ABCA1: variants seen among roughly 807,000 people sequenced by gnomAD.
The protein encoded by ABCA1 is phospholipid-transporting ATPase ABCA1.
ABCA1 carries 133 observed loss-of-function variants against 262.5 expected under a neutral mutation model. The ratio of observed to expected loss-of-function variants is 0.51; its 90% CI spans 0.44 to 0.59. The LOEUF is 0.59. Ranked by LOEUF, ABCA1 falls within the 20% of genes least tolerant of loss-of-function variation. The pLI is 0.00. For missense variants in ABCA1, 2,452 were observed against 2,777.5 expected (o/e 0.88, Z 2.63); for synonymous variants, 1,022 against 1,043.5 (o/e 0.98, Z 0.40).
At chr9:104,838,100 C>A (rs547098645) in intron 9 of ABCA1, among the ~76,000 whole-genome samples, 3 of 152,088 alleles carry the variant, frequency 2.0e-5, no homozygotes, top group Middle Eastern at 3.4e-3. Flanking sequence ...CCAAGGCGGG[C>A]GAACCACCTG....
At chr9:104,881,553 C>T (rs771526403) in intron 5 of ABCA1, among the ~76,000 whole-genome samples, 1 of 152,160 alleles carries the variant, frequency 6.6e-6, no homozygotes, top group Non-Finnish European at 1.5e-5. Context: ...TGTTTTATCT[C>T]ATTAACAGGT....
chr9:104,840,222 C>T, intron 9 of ABCA1, 57 bp downstream of exon 9: 1 of 1,612,840 alleles, frequency 6.2e-7, no homozygotes, highest in Non-Finnish European at 8.5e-7. Flanking sequence ...AGGCCAAGGC[C>T]AGAACTAAGG....
intron 15 of ABCA1, among the ~76,000 whole-genome samples, chr9:104,827,996 G>A (rs754008355): frequency 6.6e-6 from 1 of 152,144 alleles, no homozygotes; most frequent in Admixed American, 6.5e-5. Context: ...TTATCTCTTT[G>A]TACTCCTTTT....
rs143112685 is a variant in ABCA1 at position 104,881,046 on chromosome 9, G to A, written c.421+1993C>T. 5.1e-3 allele frequency among the ~76,000 whole-genome samples: 777 copies of A among 152,294 alleles called. 4 individuals are homozygous for A. The highest frequency in any genetic ancestry group is 0.015 in the Admixed American group (231 of 15,300). ...TGCCTATAGTCCCAGCTACTCAGGA[G>A]GCTGAGGCAGGAGAATCGCTTGAAC... On this transcript the variant is annotated intron_variant, in intron 5 of 49. Transcript: ENST00000374736.
intron 7 of ABCA1, chr9:104,855,222 A>C (rs1835737310): frequency 2.2e-6 from 2 of 921,290 alleles, no homozygotes; most frequent in Non-Finnish European, 2.6e-6. Flanking sequence ...TCTGAGACAG[A>C]GTCTCACTCT....
chr9:104,889,263 C>T, intron 2 of ABCA1, 68 bp from the exon 3 acceptor site: 1 of 1,561,808 alleles, frequency 6.4e-7, no homozygotes, highest in Non-Finnish European at 8.7e-7. Context: ...CCACTGGGAT[C>T]TGGGAAATCC....
Position 104,812,690 on chromosome 9 carries a change from C to T in ABCA1, c.3934G>A (p.Asp1312Asn). 6.2e-7 allele frequency: 1 copy of T among 1,614,230 alleles called. No homozygotes were observed. The highest frequency in any genetic ancestry group is 1.1e-5 in the South Asian group (1 of 91,086). Residue 1312 changes from aspartate (D) to asparagine (N), a missense_variant, in exon 28 of 50, where the codon GAT becomes AAT. Physicochemically the swap from Asp to Asn is conservative, Grantham distance 23 (BLOSUM62 1). This residue lies in a region of ABCA1 where 665 missense variants were observed against 727.3 expected (regional missense o/e 0.91). Coordinates refer to ENST00000374736, the MANE Select transcript of ABCA1 (RefSeq NM_005502.4). ...SRETDLLSGM[D>N]GKGSYQVKGW... The stretch of plus-strand genomic sequence containing the variant: ...TTCACCTGGTAGGACCCTTTGCCAT[C>T]CATCCCACTGAGCAAGTCTGTCTCT...
At chr9:104,865,720 A>T (rs530466460) in intron 5 of ABCA1, among the ~76,000 whole-genome samples, 1 of 152,198 alleles carries the variant, frequency 6.6e-6, no homozygotes, top group African/African-American at 2.4e-5. Flanking sequence ...AAGTGAAGGT[A>T]ATAGTATCCA....
At chr9:104,863,413 C>T (rs1482453326) in intron 5 of ABCA1, among the ~76,000 whole-genome samples, 1 of 152,160 alleles carries the variant, frequency 6.6e-6, no homozygotes, top group East Asian at 1.9e-4. Flanking sequence ...CACTAAGCAA[C>T]CTCTAGAGGG....
At chr9:104,862,841 G>GACAA (rs1836758707) in intron 5 of ABCA1, among the ~76,000 whole-genome samples, 1 of 147,044 alleles carries the variant, frequency 6.8e-6, no homozygotes, top group Non-Finnish European at 1.5e-5. Flanking sequence ...ACCATGTTTT[G>GACAA]ACAAACACTG....
chr9:104,801,091 G>T (rs907700370), intron 34 of ABCA1, among the ~76,000 whole-genome samples: 2 of 142,918 alleles, frequency 1.4e-5, no homozygotes, highest in African/African-American at 5.3e-5. Flanking sequence ...GTACTTATCA[G>T]GTCCTACAGA....
rs369123744 is a variant in ABCA1 at position 104,796,316 on chromosome 9, G to A, written c.5230C>T (p.Leu1744=). 34 of 1,613,992 alleles carry A rather than the reference G, an allele frequency of 2.1e-5. No individual in the cohort carries two copies. The highest frequency in any genetic ancestry group is 2.4e-5 in the Non-Finnish European group (28 of 1,179,978). Residue 1744 remains leucine (L), a synonymous_variant, in exon 38 of 50, where the codon CTG becomes TTG. Coordinates refer to ENST00000374736, the MANE Select transcript of ABCA1 (RefSeq NM_005502.4). ...CACTCAGAGGTGACTTACCCATACA[G>A]CAAAAGTAGAAGGGCTAGCACAGGC... The part of the protein sequence containing the change: ...NLPVLALLLL[L]YGWSITPLMY...
chr9:104,856,536 T>A (rs1564187957), intron 7 of ABCA1, among the ~76,000 whole-genome samples: 2 of 152,332 alleles, frequency 1.3e-5, no homozygotes, highest in East Asian at 3.9e-4. Context: ...ACGCTGCTAA[T>A]CCTCCCAGAG....
intron 5 of ABCA1, among the ~76,000 whole-genome samples, chr9:104,866,372 C>A (rs1837086200): frequency 6.6e-6 from 1 of 152,090 alleles, no homozygotes; most frequent in Admixed American, 6.5e-5. Context: ...CTGAAACATA[C>A]CTTCTCCTCT....
At chr9:104,902,092 C>T (rs73664375) in intron 2 of ABCA1, among the ~76,000 whole-genome samples, 11,086 of 152,196 alleles carry the variant, frequency 0.073, 473 homozygotes, top group South Asian at 0.14. Context: ...TGAACACAAT[C>T]AGTTTTTCTC....
intron 1 of ABCA1, among the ~76,000 whole-genome samples, chr9:104,918,227 C>A (rs1430612839): frequency 2.0e-5 from 3 of 152,060 alleles, no homozygotes; most frequent in African/African-American, 4.8e-5. Flanking sequence ...ACATGAGATT[C>A]CAGAACAATG....
chr9:104,794,592 G>C, intron 39 of ABCA1, 82 bp from the exon 40 acceptor site: 1 of 1,520,462 alleles, frequency 6.6e-7, no homozygotes, highest in East Asian at 2.3e-5. Flanking sequence ...TCCTAAAAAT[G>C]TATCAAGTTC....
chr9:104,790,452 A>G (rs1829330569), intron 44 of ABCA1, among the ~76,000 whole-genome samples: 1 of 152,226 alleles, frequency 6.6e-6, no homozygotes, highest in African/African-American at 2.4e-5. Flanking sequence ...ATCTTAGGAA[A>G]TGTAACCCAC....
In ABCA1 at chr9:104,786,335, A is replaced by C. The variant is rs1380622432; in HGVS notation, c.6364T>G (p.Phe2122Val). Reference sequence around the variant, plus strand: ...TGCTGGACACTGCCAAGGCACCTGAACCTTCCATTGACCATGATTGCCATC... The same window carrying C: ...TGCTGGACACTGCCAAGGCACCTGACCCTTCCATTGACCATGATTGCCATC... The part of the protein sequence containing the change: ...TRMAIMVNGR[F>V]RCLGSVQHLK... The change falls in exon 48 of 50, where the codon TTC becomes GTC. Residue 2122 changes from phenylalanine (F) to valine (V), a missense_variant. Physicochemically the swap from Phe to Val is conservative, Grantham distance 50. Around this residue, in one of 4 missense-constraint regions of ABCA1, gnomAD observed 752 missense variants for 944.5 expected, o/e 0.80. Transcript: ENST00000374736. The C allele has an allele frequency of 2.5e-6, 4 of 1,614,168 alleles. No individual in the cohort carries two copies. The highest frequency in any genetic ancestry group is 3.4e-6 in the Non-Finnish European group (4 of 1,180,016).
Sources: allele counts gnomAD v4.1 joint callset (sites outside exome capture counted in the v4.1 genomes callset), GRCh38; gene constraint gnomAD v4.1.1; regional missense constraint gnomAD v4.1.1; transcripts MANE v1.5; gene names NCBI Gene and HGNC (gene_info 2026-07-23, HGNC 2026-07-21).